The following TFPI variants were observed in gnomAD, a reference collection of about 807,000 sequenced individuals.
TFPI encodes tissue factor pathway inhibitor, also known as anti-convertin.
TFPI carries 15 observed loss-of-function variants against 34.6 expected under a neutral mutation model. The observed-to-expected ratio is 0.43, with a 90% confidence interval of 0.29 to 0.67. TFPI has a LOEUF of 0.67. Ranked by LOEUF, TFPI falls within the 30% of genes least tolerant of loss-of-function variation. The pLI is 0.15. For synonymous variants in TFPI, 105 were observed against 120.1 expected, an observed-to-expected ratio of 0.87 and a Z score of 0.82; for missense variants, 301 against 364.0, an observed-to-expected ratio of 0.83 and a Z score of 1.41.
In TFPI at chr2:187,484,932, A is replaced by G; in HGVS notation, c.414T>C (p.Ile138=). ...EEDPGICRGY[I]TRYFYNNQTK... ...TCTGATTGTTATAAAAATACCTGGT[A>G]ATATAACCTCGACATATTCCAGGAT... Residue 138 remains isoleucine (I), a synonymous_variant, in exon 5 of 8, where the codon ATT becomes ATC. Coordinates refer to ENST00000233156, the MANE Select transcript of TFPI (RefSeq NM_006287.6). The G allele has an allele frequency of 6.3e-7, 1 of 1,577,880 alleles. No homozygotes were observed.
chr2:187,492,548 G>A (rs1685187362), intron 3 of TFPI, among the ~76,000 whole-genome samples: 1 of 152,186 alleles, frequency 6.6e-6, no homozygotes. Context: ...AACCAGGAGG[G>A]AGGCTGTACC....
At chr2:187,523,770 G>T (rs1425559116) in intron 1 of TFPI, among the ~76,000 whole-genome samples, 2 of 151,850 alleles carry the variant, frequency 1.3e-5, no homozygotes, top group Non-Finnish European at 2.9e-5. Flanking sequence ...TGAAGTTACT[G>T]ATCTTTTTAC....
At chr2:187,553,541 A>AT (rs1006730285) in intron 1 of TFPI, among the ~76,000 whole-genome samples, 1 of 152,210 alleles carries the variant, frequency 6.6e-6, no homozygotes, top group Non-Finnish European at 1.5e-5. Context: ...TAACAGGAAC[A>AT]TAACAGTACA....
chr2:187,495,061 A>ATGAG (rs2106074667), intron 3 of TFPI, among the ~76,000 whole-genome samples: 1 of 152,288 alleles, frequency 6.6e-6, no homozygotes, highest in Non-Finnish European at 1.5e-5. Flanking sequence ...GATGGGGGTA[A>ATGAG]GAGAGTTACA....
At position 187,488,388 on chromosome 2, in the gene TFPI, G is replaced by C. The variant is rs201368281; in HGVS notation, c.320-13C>G. 11 of 1,488,656 alleles carry C rather than the reference G, an allele frequency of 7.4e-6. No homozygotes were observed. The East Asian group carries it at 1.5e-4, about 20-fold the overall frequency. 92.2% of individuals were successfully genotyped at this position (1,488,656 alleles called of 1,614,324 possible). A position where few individuals can be genotyped will look rare whatever the true frequency, so the allele number is the denominator to read the frequency against. On this transcript the variant is annotated splice_polypyrimidine_tract_variant and intron_variant, in intron 3 of 7. Transcript: ENST00000233156. ...CTGTTTGCATTATCTGTAATCAAAA[G>C]AATATATGCATATCAATTGTCACAA... is the stretch of plus-strand genomic sequence containing the variant.
chr2:187,540,737 G>A (rs570720053), intron 1 of TFPI, among the ~76,000 whole-genome samples: 140 of 151,376 alleles, frequency 9.2e-4, no homozygotes, highest in African/African-American at 3.2e-3. Flanking sequence ...CTAAAAATAC[G>A]AAAACTAGCC....
chr2:187,541,846 A>G (rs1176550529), intron 1 of TFPI, among the ~76,000 whole-genome samples: 2 of 152,208 alleles, frequency 1.3e-5, no homozygotes, highest in Non-Finnish European at 2.9e-5. Context: ...AAAACTTGGG[A>G]AGCCGCAGTT....
At chr2:187,525,082 A>G (rs1028948757) in intron 1 of TFPI, among the ~76,000 whole-genome samples, 1 of 152,090 alleles carries the variant, frequency 6.6e-6, no homozygotes, top group African/African-American at 2.4e-5. Context: ...ACAAGAAAGG[A>G]AAGGAAAGAA....
At chr2:187,535,837 C>A (rs36092110) in intron 1 of TFPI, among the ~76,000 whole-genome samples, 36,554 of 151,768 alleles carry the variant, frequency 0.24, 4,513 homozygotes, top group Middle Eastern at 0.29. Flanking sequence ...GACCGTTAAC[C>A]AGACTAATGA....
rs982448051 is a variant in TFPI, at chr2:187,554,424, T to A, written c.-227A>T. 5.3e-5 allele frequency: 8 copies of A among 152,202 alleles called. No homozygotes were observed. Among genetic ancestry groups the A allele is most frequent in the Admixed American group, 5.2e-4 (8 of 15,278 alleles). The allele number at this position is 152,202 out of a possible 1,614,324, so 9.4% of individuals were successfully genotyped here. ...AATTTGACTATTATCCAGCCTAAAG[T>A]CGCTGCTGTCTGTTAGAGCAAAGAG... On this transcript the variant is annotated 5_prime_UTR_variant, in exon 1 of 8. Transcript: ENST00000233156.
At chr2:187,487,316 CTA>C (rs1283912580) in intron 4 of TFPI, among the ~76,000 whole-genome samples, 9 of 143,700 alleles carry the variant, frequency 6.3e-5, no homozygotes, top group Non-Finnish European at 1.1e-4. Flanking sequence ...TTATAGGAAT[CTA>C]TTTTTTAAAA....
intron 1 of TFPI, among the ~76,000 whole-genome samples, chr2:187,536,075 A>G (rs545317590): frequency 2.1e-4 from 32 of 152,364 alleles, no homozygotes; most frequent in African/African-American, 7.2e-4. Context: ...AAGTCCTGAA[A>G]TTGAGGCAGT....
chr2:187,496,815 T>C, intron 3 of TFPI, 66 bp downstream of exon 3: 1 of 1,398,850 alleles, frequency 7.1e-7, no homozygotes. Context: ...CCCTAAATTA[T>C]CAAATCCATA....
chr2:187,499,332 A>T (rs1262649223), intron 2 of TFPI, among the ~76,000 whole-genome samples: 1 of 152,090 alleles, frequency 6.6e-6, no homozygotes, highest in Non-Finnish European at 1.5e-5. Context: ...AGGATTGCTA[A>T]AAATACTTTC....
chr2:187,541,695 A>G (rs1203223490), intron 1 of TFPI, among the ~76,000 whole-genome samples: 1 of 152,162 alleles, frequency 6.6e-6, no homozygotes, highest in Non-Finnish European at 1.5e-5. Flanking sequence ...ACGCTTTTAC[A>G]AATATTAACT....
chr2:187,473,645 T>C (rs939317188), intron 6 of TFPI, among the ~76,000 whole-genome samples: 3 of 151,874 alleles, frequency 2.0e-5, no homozygotes, highest in African/African-American at 7.3e-5. Flanking sequence ...TGTTTCTGAG[T>C]AGGAATGTGT....
At chr2:187,550,840 C>A (rs573105325) in intron 1 of TFPI, among the ~76,000 whole-genome samples, 1 of 152,090 alleles carries the variant, frequency 6.6e-6, no homozygotes, top group East Asian at 1.9e-4. Flanking sequence ...GAGACTTACC[C>A]TGTTTCTGAG....
intron 2 of TFPI, among the ~76,000 whole-genome samples, chr2:187,498,638 A>T (rs1685646121): frequency 6.6e-6 from 1 of 151,894 alleles, no homozygotes; most frequent in Non-Finnish European, 1.5e-5. Context: ...TTCAATTTTT[A>T]AAAATACTAG....
At chr2:187,532,709 G>A (rs894014281) in intron 1 of TFPI, among the ~76,000 whole-genome samples, 5 of 151,954 alleles carry the variant, frequency 3.3e-5, no homozygotes, top group Admixed American at 6.6e-5. Context: ...CCCCAGTGGC[G>A]TCTGGAATGC....
Sources: gnomAD v4.1 joint callset for allele counts (sites outside exome capture counted in the v4.1 genomes callset) on GRCh38, gnomAD v4.1.1 for gene constraint, MANE v1.5 for transcripts, NCBI Gene and HGNC (gene_info 2026-07-23, HGNC 2026-07-21) for gene names.